SUGCT: variants seen among roughly 807,000 people sequenced by gnomAD.
SUGCT encodes succinyl-CoA:glutarate-CoA transferase.
SUGCT carries 41 observed loss-of-function variants against 55.0 expected under a neutral mutation model. The observed-to-expected ratio is 0.74, with a 90% confidence interval of 0.58 to 0.97. The LOEUF is 0.97. Ranked by LOEUF, SUGCT falls within the 50% of genes least tolerant of loss-of-function variation. The pLI, the probability that SUGCT is intolerant of heterozygous loss-of-function variation, is 0.00. For synonymous variants in SUGCT, 187 were observed against 200.4 expected (o/e 0.93, Z 0.56); for missense variants, 568 against 547.8 (o/e 1.04, Z -0.37).
chr7:40,681,299 C>T (rs983955590), intron 12 of SUGCT, among the ~76,000 whole-genome samples: 12 of 152,024 alleles, frequency 7.9e-5, no homozygotes, highest in African/African-American at 2.4e-4. Context: ...AGGGCAGAGG[C>T]GCTGAAGGTT....
At chr7:40,749,283 C>G in intron 12 of SUGCT, 151 bp from the exon 13 acceptor site, 1 of 672,284 alleles carries the variant, frequency 1.5e-6, no homozygotes, top group Non-Finnish European at 2.6e-6. Context: ...ATTTTTATGT[C>G]AAATGTTTAC....
chr7:40,516,904 A>G (rs961896833), intron 12 of SUGCT, among the ~76,000 whole-genome samples: 1 of 152,018 alleles, frequency 6.6e-6, no homozygotes, highest in East Asian at 1.9e-4. Context: ...TTGAATATGC[A>G]ATTTTCGTTC....
At chr7:40,882,252 A>T in the SUGCT span, among the ~76,000 whole-genome samples, 1 of 152,196 alleles carries the variant, frequency 6.6e-6, no homozygotes, top group Non-Finnish European at 1.5e-5. Flanking sequence ...GCCAGTATAA[A>T]CAATTTTACA....
chr7:40,327,822 C>T (rs1463138563), intron 9 of SUGCT, among the ~76,000 whole-genome samples: 1 of 152,266 alleles, frequency 6.6e-6, no homozygotes, highest in East Asian at 1.9e-4. Flanking sequence ...TAATAATTAT[C>T]AGATGTAACA....
chr7:40,210,520 TAA>T (rs1787275096), intron 6 of SUGCT, among the ~76,000 whole-genome samples: 1 of 152,082 alleles, frequency 6.6e-6, no homozygotes, highest in African/African-American at 2.4e-5. Flanking sequence ...TTGTTATATA[TAA>T]AGTTTTGGTG....
At chr7:40,638,558 G>T (rs1361489980) in intron 12 of SUGCT, among the ~76,000 whole-genome samples, 1 of 152,214 alleles carries the variant, frequency 6.6e-6, no homozygotes, top group African/African-American at 2.4e-5. Flanking sequence ...TTAGGGTGCT[G>T]CCAGAAACAT....
At chr7:40,772,317 A>G (rs1789146498) in intron 13 of SUGCT, among the ~76,000 whole-genome samples, 1 of 152,200 alleles carries the variant, frequency 6.6e-6, no homozygotes, top group South Asian at 2.1e-4. Flanking sequence ...CTGTGGTTAC[A>G]GATAAAAGCC....
At chr7:40,275,604 G>A (rs1329000147) in intron 8 of SUGCT, among the ~76,000 whole-genome samples, 2 of 151,980 alleles carry the variant, frequency 1.3e-5, no homozygotes, top group African/African-American at 2.4e-5. Flanking sequence ...CAAGTCATAG[G>A]TACCACTAAT....
intron 12 of SUGCT, among the ~76,000 whole-genome samples, chr7:40,580,710 G>C (rs1328721562): frequency 6.6e-6 from 1 of 152,140 alleles, no homozygotes; most frequent in Non-Finnish European, 1.5e-5. Context: ...ATGATGTTTT[G>C]GTCAATGACA....
chr7:40,873,193 A>C, the SUGCT span, among the ~76,000 whole-genome samples: 1 of 152,236 alleles, frequency 6.6e-6, no homozygotes, highest in Admixed American at 6.5e-5. Context: ...TGTTCTAACA[A>C]GGTTAAAATG....
intron 7 of SUGCT, among the ~76,000 whole-genome samples, chr7:40,242,933 ATTTTTTTTT>A (rs70996894): frequency 3.4e-3 from 58 of 17,186 alleles, no homozygotes; most frequent in Non-Finnish European, 5.4e-3. Context: ...ATATATATAT[ATTTTTTTTT>A]TTTTTTTTTT....
At chr7:40,237,438 C>G (rs1424091456) in intron 6 of SUGCT, among the ~76,000 whole-genome samples, 197 bp from the exon 7 acceptor site, 5 of 151,824 alleles carry the variant, frequency 3.3e-5, no homozygotes. Context: ...GAACGAGACT[C>G]CATCTCAAAA....
the SUGCT span, among the ~76,000 whole-genome samples, chr7:41,011,628 G>A: frequency 3.3e-5 from 5 of 152,234 alleles, no homozygotes; most frequent in African/African-American, 1.2e-4. Context: ...CACTGTGTTA[G>A]AGTTTGGAGC....
chr7:40,750,733 G>T (rs1295883662), intron 13 of SUGCT, among the ~76,000 whole-genome samples: 1 of 152,130 alleles, frequency 6.6e-6, no homozygotes, highest in African/African-American at 2.4e-5. Context: ...ATTATGCATG[G>T]ATTAAGGAAG....
chr7:40,628,742 T>C (rs1271451963), intron 12 of SUGCT, among the ~76,000 whole-genome samples: 14 of 152,058 alleles, frequency 9.2e-5, no homozygotes, highest in Admixed American at 9.2e-4. Context: ...TGTGTGTGTG[T>C]GTGTGTGTGT....
chr7:40,831,822 C>A (rs1298083046), intron 13 of SUGCT, among the ~76,000 whole-genome samples: 2 of 152,178 alleles, frequency 1.3e-5, no homozygotes, highest in African/African-American at 4.8e-5. Flanking sequence ...TGGCTATAGG[C>A]CTGTAGTGTG....
the SUGCT span, among the ~76,000 whole-genome samples, chr7:40,920,212 T>C: frequency 6.6e-6 from 1 of 152,162 alleles, no homozygotes. Context: ...AGATTGTCAT[T>C]TTCTCATAGA....
Position 40,834,621 on chromosome 7 carries a change from G to A in SUGCT, c.1154-25695G>A, listed in dbSNP as rs143299008. Among the ~76,000 whole-genome samples the A allele has an allele frequency of 1.8e-3, 272 of 152,166 alleles. 1 individual carries two copies. The highest frequency in any genetic ancestry group is 2.6e-3 in the Non-Finnish European group (176 of 68,010). ...AAAAGATAAACCTCCTATATTCTGC[G>A]CACCTGGAACATGGCACTTAATTTT... On this transcript the variant is annotated intron_variant, in intron 13 of 13. Transcript: ENST00000335693.
In SUGCT at chr7:40,821,418, A is replaced by C. The variant is rs555102840; in HGVS notation, c.1154-38898A>C. Among the ~76,000 whole-genome samples the C allele has an allele frequency of 3.1e-3, 473 of 152,250 alleles. 1 individual carries two copies. Among genetic ancestry groups the C allele is most frequent in the African/African-American group, 0.011 (446 of 41,550 alleles). On this transcript the variant is annotated intron_variant, in intron 13 of 13. Transcript: ENST00000335693. ...CTGGACTTTTTTTGGTTGGTAGGCT[A>C]TTAATTATTGCCTCAATTTTAGAGC...
Sources: gnomAD v4.1 joint callset for allele counts (sites outside exome capture counted in the v4.1 genomes callset) on GRCh38, gnomAD v4.1.1 for gene constraint, MANE v1.5 for transcripts, NCBI Gene and HGNC (gene_info 2026-07-23, HGNC 2026-07-21) for gene names.